BCAS3: variants seen among roughly 807,000 people sequenced by gnomAD.
BCAS3 encodes BCAS3 microtubule associated cell migration factor.
Under a neutral mutation model 116.1 loss-of-function variants are expected in BCAS3, and 53 were observed. The ratio of observed to expected loss-of-function variants is 0.46; its 90% CI spans 0.37 to 0.57. BCAS3 has a LOEUF of 0.57. Ranked by LOEUF, BCAS3 falls within the 20% of genes least tolerant of loss-of-function variation. The pLI, the probability that BCAS3 is intolerant of heterozygous loss-of-function variation, is 0.00. For missense variants in BCAS3, 917 were observed against 1,165.4 expected, an observed-to-expected ratio of 0.79 and a Z score of 3.10; for synonymous variants, 391 against 408.2, an observed-to-expected ratio of 0.96 and a Z score of 0.51.
chr17:60,739,928 T>A (rs1219875480), intron 5 of BCAS3, among the ~76,000 whole-genome samples: 1 of 152,142 alleles, frequency 6.6e-6, no homozygotes, highest in Non-Finnish European at 1.5e-5. Flanking sequence ...ACTCTCTTCT[T>A]GCTTGCATCG....
Position 60,869,162 on chromosome 17 carries a change from T to C in BCAS3, c.584+479T>C, listed in dbSNP as rs2054887004. On this transcript the variant is annotated intron_variant, in intron 8 of 23. Coordinates refer to ENST00000407086, the MANE Select transcript of BCAS3 (RefSeq NM_017679.5). ...TTCACAGTGGAGCTAAAATAGGGACTAGACTAATTTGTATCCTTTAAAATT... is the reference window on the plus strand; with the variant it reads ...TTCACAGTGGAGCTAAAATAGGGACCAGACTAATTTGTATCCTTTAAAATT... Among the ~76,000 whole-genome samples the C allele has an allele frequency of 2.6e-5, 4 of 152,238 alleles. No individual in the cohort carries two copies. In the South Asian group the frequency reaches 8.3e-4, roughly 31 times the overall value.
At chr17:60,896,558 C>G (rs770038452) in intron 10 of BCAS3, among the ~76,000 whole-genome samples, 1 of 151,326 alleles carries the variant, frequency 6.6e-6, no homozygotes, top group Non-Finnish European at 1.5e-5. Context: ...ATCCCTTTAT[C>G]ATTATATAAT....
At chr17:60,867,114 G>GTTT (rs11396196) in intron 7 of BCAS3, among the ~76,000 whole-genome samples, 1 of 141,148 alleles carries the variant, frequency 7.1e-6, no homozygotes, top group African/African-American at 2.5e-5. Context: ...TTTTGTTTTT[G>GTTT]TTTTTTTTTT....
chr17:60,910,682 G>A lies in BCAS3; in HGVS notation c.973G>A (p.Glu325Lys), dbSNP rs140207277. Reference sequence around the variant, plus strand: ...AGGCATCATCACAGTTATTGACACCGAAACCGTTGGAGAGGGCCAGGTAAG... The same window carrying A: ...AGGCATCATCACAGTTATTGACACCAAAACCGTTGGAGAGGGCCAGGTAAG... ...VPGIITVIDT[E>K]TVGEGQVLVS... The change falls in exon 12 of 24, where the codon GAA becomes AAA. Residue 325 changes from glutamate to lysine, a missense_variant. Physicochemically the swap from Glu to Lys is moderately conservative, Grantham distance 56 (BLOSUM62 1). Around this residue, in one of 3 missense-constraint regions of BCAS3, gnomAD observed 807 missense variants for 1,026.0 expected, o/e 0.79. Transcript: ENST00000407086. The A allele has an allele frequency of 4.2e-5, 68 of 1,607,886 alleles. 1 individual carries two copies. The South Asian group carries it at 4.8e-4, about 11-fold the overall frequency.
intron 5 of BCAS3, among the ~76,000 whole-genome samples, chr17:60,746,673 A>G (rs1213087797): frequency 6.6e-6 from 1 of 152,108 alleles, no homozygotes; most frequent in Non-Finnish European, 1.5e-5. Context: ...TCGTTTTATG[A>G]TTGTGAAAGA....
At chr17:60,764,177 T>G (rs1347581982) in intron 6 of BCAS3, among the ~76,000 whole-genome samples, 2 of 152,122 alleles carry the variant, frequency 1.3e-5, no homozygotes, top group Non-Finnish European at 2.9e-5. Flanking sequence ...TTTTGAACTT[T>G]TTTGTGTCTC....
rs2057537160 is a variant in BCAS3 at position 61,346,978 on chromosome 17, T to G, written c.2426-21349T>G. Among the ~76,000 whole-genome samples, 1 of 152,236 alleles carries G rather than the reference T, an allele frequency of 6.6e-6. No homozygotes were observed. Among genetic ancestry groups the G allele is most frequent in the South Asian group, 2.1e-4 (1 of 4,828 alleles). ...TCATGTTGGTCTGAAATATGCCAGA[T>G]CACTGACCTCTCCCTGTGTCCTGTT... On this transcript the variant is annotated intron_variant, in intron 22 of 23. Transcript: ENST00000407086. The surrounding 1 kb of genome is among the most constrained non-coding windows in gnomAD (Gnocchi z 5.4).
At chr17:60,992,258 A>G (rs899507789) in intron 15 of BCAS3, among the ~76,000 whole-genome samples, 3 of 151,610 alleles carry the variant, frequency 2.0e-5, no homozygotes, top group East Asian at 3.8e-4. Flanking sequence ...AGATAGACTG[A>G]AAAAATATAG....
chr17:61,301,253 G>A (rs945607377), intron 22 of BCAS3, among the ~76,000 whole-genome samples: 1 of 152,186 alleles, frequency 6.6e-6, no homozygotes, highest in East Asian at 1.9e-4. Context: ...ATGGCCCTCA[G>A]AGTCTAAAAT....
In BCAS3 at chr17:61,370,723, C is replaced by T. The variant is rs535590425; in HGVS notation, c.2593+2229C>T. On this transcript the variant is annotated intron_variant, in intron 23 of 23. Transcript: ENST00000407086. Reference sequence around the variant, plus strand: ...CCATTTTAAAGGCCAGTAAGCAAAGCAGATGTTATGGAAGTTACCCAGTTT... The same window carrying T: ...CCATTTTAAAGGCCAGTAAGCAAAGTAGATGTTATGGAAGTTACCCAGTTT... Among the ~76,000 whole-genome samples the T allele has an allele frequency of 5.3e-5, 8 of 152,348 alleles. No individual in the cohort carries two copies. In the East Asian group the frequency reaches 1.3e-3, roughly 26 times the overall value.
chr17:61,268,734 T>A (rs1230777152), intron 22 of BCAS3, among the ~76,000 whole-genome samples: 1 of 152,092 alleles, frequency 6.6e-6, no homozygotes, highest in African/African-American at 2.4e-5. Flanking sequence ...ATTTTTGTAT[T>A]TTGAGTAGAG....
In BCAS3 at chr17:61,224,169, T is replaced by TA. The variant is rs1418647153; in HGVS notation, c.2425+139607dup. Among the ~76,000 whole-genome samples the TA allele has an allele frequency of 6.6e-6, 1 of 152,250 alleles. No individual in the cohort carries two copies. Among genetic ancestry groups the TA allele is most frequent in the Non-Finnish European group, 1.5e-5 (1 of 68,044 alleles). ...TCTTTATTATTTTCCCATTGATTTA[T>TA]AAGAGAAATCTTTAAGCATCTATCA... On this transcript the variant is annotated intron_variant, in intron 22 of 23. Transcript: ENST00000407086. This position sits in a 1 kb window ranked among gnomAD's most constrained non-coding sequence, Gnocchi z 5.7.
Position 61,135,265 on chromosome 17 carries a change from G to A in BCAS3, c.2425+50701G>A, listed in dbSNP as rs146532516. ...AAAGACATATTCTGTTAGTACTAGG[G>A]AGCAAGTTTAAGACTGACTTTGCCA... is the stretch of plus-strand genomic sequence containing the variant. On this transcript the variant is annotated intron_variant, in intron 22 of 23. Coordinates refer to ENST00000407086, the MANE Select transcript of BCAS3 (RefSeq NM_017679.5). 4.7e-3 allele frequency among the ~76,000 whole-genome samples: 718 copies of A among 152,218 alleles called. 16 individuals are homozygous for A. Among genetic ancestry groups the A allele is most frequent in the Admixed American group, 0.032 (485 of 15,292 alleles).
In BCAS3 at chr17:60,990,619, G is replaced by A. The variant is rs1390064790; in HGVS notation, c.1486+384G>A. On this transcript the variant is annotated intron_variant, in intron 15 of 23. Transcript: ENST00000407086. The surrounding 1 kb of genome is among the most constrained non-coding windows in gnomAD (Gnocchi z 5.1). ...CATTGTTGGAAAGAAATAGTCATGGGTAATGTGTATTTTAGATAGAGCAGC... is the reference window on the plus strand; with the variant it reads ...CATTGTTGGAAAGAAATAGTCATGGATAATGTGTATTTTAGATAGAGCAGC... Among the ~76,000 whole-genome samples, 1 of 151,172 alleles carries A rather than the reference G, an allele frequency of 6.6e-6. No homozygotes were observed. The highest frequency in any genetic ancestry group is 1.5e-5 in the Non-Finnish European group (1 of 67,882).
chr17:61,018,883 G>T (rs1418076524), intron 16 of BCAS3, among the ~76,000 whole-genome samples: 1 of 152,082 alleles, frequency 6.6e-6, no homozygotes, highest in African/African-American at 2.4e-5. Flanking sequence ...TGTCTATAAT[G>T]ATTTTTCTAC....
intron 4 of BCAS3, among the ~76,000 whole-genome samples, chr17:60,696,034 CAGTT>C (rs1204300201): frequency 6.6e-6 from 1 of 152,146 alleles, no homozygotes; most frequent in Non-Finnish European, 1.5e-5. Flanking sequence ...AACAAAGAGA[CAGTT>C]GGTGCAGTGG....
chr17:61,054,393 C>T (rs1387091553), intron 19 of BCAS3, among the ~76,000 whole-genome samples: 1 of 152,086 alleles, frequency 6.6e-6, no homozygotes, highest in African/African-American at 2.4e-5. Flanking sequence ...GAGACAGGGT[C>T]TCACTCTCTT....
Position 61,065,619 on chromosome 17 carries a change from G to T in BCAS3, c.2030-9301G>T, listed in dbSNP as rs938995770. Among the ~76,000 whole-genome samples the T allele has an allele frequency of 6.6e-6, 1 of 152,116 alleles. No individual in the cohort carries two copies. The highest frequency in any genetic ancestry group is 1.5e-5 in the Non-Finnish European group (1 of 68,016). On this transcript the variant is annotated intron_variant, in intron 19 of 23. Coordinates refer to ENST00000407086, the MANE Select transcript of BCAS3 (RefSeq NM_017679.5). This position sits in a 1 kb window ranked among gnomAD's most constrained non-coding sequence, Gnocchi z 4.8. The stretch of plus-strand genomic sequence containing the variant: ...TAACCTAAACGACTGAAAAATGCTG[G>T]CACAACATTATTCATCTCTCAGGTC...
rs1231673892 is a variant in BCAS3, at chr17:61,356,219, C to A, written c.2426-12108C>A. Among the ~76,000 whole-genome samples, 1 of 152,234 alleles carries A rather than the reference C, an allele frequency of 6.6e-6. No homozygotes were observed. The highest frequency in any genetic ancestry group is 1.5e-5 in the Non-Finnish European group (1 of 68,036). On this transcript the variant is annotated intron_variant, in intron 22 of 23. Coordinates refer to ENST00000407086, the MANE Select transcript of BCAS3 (RefSeq NM_017679.5). This position sits in a 1 kb window ranked among gnomAD's most constrained non-coding sequence, Gnocchi z 5.4. ...GTGTTGGCCAGGCTGGTCTCGAACTCCTGACCTCAGGTGATCCACACGCCT... is the reference window on the plus strand; with the variant it reads ...GTGTTGGCCAGGCTGGTCTCGAACTACTGACCTCAGGTGATCCACACGCCT...
Sources: allele counts gnomAD v4.1 joint callset (sites outside exome capture counted in the v4.1 genomes callset), GRCh38; gene constraint gnomAD v4.1.1; regional missense constraint gnomAD v4.1.1; non-coding constraint Gnocchi (gnomAD v3.1); transcripts MANE v1.5; gene names NCBI Gene and HGNC (gene_info 2026-07-23, HGNC 2026-07-21).